COL24A1: variants seen among roughly 807,000 people sequenced by gnomAD.
COL24A1 encodes collagen type XXIV alpha 1 chain.
Under a neutral mutation model 253.9 loss-of-function variants are expected in COL24A1, and 224 were observed. The ratio of observed to expected loss-of-function variants is 0.88; its 90% CI spans 0.79 to 0.99. The LOEUF (loss-of-function observed/expected upper bound fraction) is 0.99, where lower values mean the gene tolerates loss of function less well. Ranked by LOEUF, COL24A1 falls within the 50% of genes least tolerant of loss-of-function variation. The pLI is 0.00. For synonymous variants in COL24A1, 685 were observed against 673.7 expected (o/e 1.02, Z -0.26); for missense variants, 2,131 against 2,068.5 (o/e 1.03, Z -0.59).
intron 57 of COL24A1, among the ~76,000 whole-genome samples, chr1:85,744,019 T>A (rs1463056915): frequency 6.6e-6 from 1 of 152,276 alleles, no homozygotes; most frequent in African/African-American, 2.4e-5. Context: ...ACTTTTCAAA[T>A]CATACATTTT....
At chr1:86,105,252 G>T (rs1188150243) in intron 5 of COL24A1, among the ~76,000 whole-genome samples, 1 of 152,168 alleles carries the variant, frequency 6.6e-6, no homozygotes, top group African/African-American at 2.4e-5. Flanking sequence ...CTATGGCAGG[G>T]TTCACATGCA....
chr1:86,071,329 G>A (rs1701859295), intron 7 of COL24A1, among the ~76,000 whole-genome samples: 1 of 151,714 alleles, frequency 6.6e-6, no homozygotes. Context: ...TGGAATGGAG[G>A]AAAGAAGGAA....
intron 20 of COL24A1, among the ~76,000 whole-genome samples, 177 bp downstream of exon 20, chr1:85,987,424 C>G (rs1553251604): frequency 6.6e-5 from 10 of 151,842 alleles, no homozygotes; most frequent in Non-Finnish European, 1.5e-4. Flanking sequence ...CAGTTCATAT[C>G]AAACTAGAAA....
At chr1:86,014,193 T>C (rs1353492513) in intron 19 of COL24A1, among the ~76,000 whole-genome samples, 3 of 152,248 alleles carry the variant, frequency 2.0e-5, no homozygotes, top group South Asian at 2.1e-4. Context: ...TTTATACTGA[T>C]TCGTTCTCAT....
intron 20 of COL24A1, among the ~76,000 whole-genome samples, chr1:85,981,387 G>T (rs1226554859): frequency 6.6e-6 from 1 of 152,042 alleles, no homozygotes; most frequent in Non-Finnish European, 1.5e-5. Context: ...AACATAAAGT[G>T]GGGAAAGAAA....
At chr1:86,006,940 G>C (rs1265549236) in intron 19 of COL24A1, among the ~76,000 whole-genome samples, 1 of 152,098 alleles carries the variant, frequency 6.6e-6, no homozygotes, top group Non-Finnish European at 1.5e-5. Context: ...GGCTGGTTCT[G>C]GTTGCTCATG....
intron 12 of COL24A1, among the ~76,000 whole-genome samples, chr1:86,040,107 G>A (rs1293467006): frequency 1.3e-5 from 2 of 152,052 alleles, no homozygotes; most frequent in African/African-American, 2.4e-5. Flanking sequence ...TGAATACCAC[G>A]TTGTGTCCTT....
chr1:86,127,726 AC>A (rs1648535016), intron 2 of COL24A1, among the ~76,000 whole-genome samples: 1 of 152,072 alleles, frequency 6.6e-6, no homozygotes, highest in South Asian at 2.1e-4. Flanking sequence ...GCATCACCTT[AC>A]TTTTTCCTTT....
At chr1:85,986,061 T>A (rs1044349427) in intron 20 of COL24A1, among the ~76,000 whole-genome samples, 5 of 151,880 alleles carry the variant, frequency 3.3e-5, no homozygotes, top group African/African-American at 1.2e-4. Context: ...TCAAGTGCTA[T>A]CTTCCCTGCA....
At chr1:85,972,993 A>G (rs1692326222) in intron 20 of COL24A1, among the ~76,000 whole-genome samples, 1 of 152,186 alleles carries the variant, frequency 6.6e-6, no homozygotes, top group Admixed American at 6.5e-5. Flanking sequence ...ATATTTATGT[A>G]AGCCTGTTTA....
At chr1:86,001,059 G>A (rs1003699296) in intron 19 of COL24A1, among the ~76,000 whole-genome samples, 1 of 152,084 alleles carries the variant, frequency 6.6e-6, no homozygotes, top group Non-Finnish European at 1.5e-5. Flanking sequence ...ATAAATCTAT[G>A]TATTAAGGCA....
At chr1:86,066,819 G>A (rs1477500459) in intron 7 of COL24A1, among the ~76,000 whole-genome samples, 1 of 151,550 alleles carries the variant, frequency 6.6e-6, no homozygotes, top group African/African-American at 2.4e-5. Flanking sequence ...AGCTGTCACT[G>A]AATAAAAAAC....
At chr1:86,077,403 G>A (rs895175950) in intron 7 of COL24A1, among the ~76,000 whole-genome samples, 36 of 152,282 alleles carry the variant, frequency 2.4e-4, no homozygotes, top group African/African-American at 6.7e-4. Context: ...GTATAAATTA[G>A]TTCAACTACT....
At chr1:85,779,901 T>G (rs1668979913) in intron 52 of COL24A1, among the ~76,000 whole-genome samples, 1 of 152,192 alleles carries the variant, frequency 6.6e-6, no homozygotes, top group African/African-American at 2.4e-5. Context: ...GAAAAATTGA[T>G]GTACATGCTG....
chr1:86,033,539 C>T (rs953451651), intron 13 of COL24A1, among the ~76,000 whole-genome samples: 5 of 152,142 alleles, frequency 3.3e-5, no homozygotes, highest in South Asian at 2.1e-4. Flanking sequence ...AAAGAGCAAT[C>T]GCTGAGTGTA....
chr1:85,923,510 A>G (rs1161825985), intron 24 of COL24A1, among the ~76,000 whole-genome samples: 1 of 152,248 alleles, frequency 6.6e-6, no homozygotes, highest in Admixed American at 6.5e-5. Context: ...CTCAGGATTA[A>G]GAAACTCACT....
rs573948755 is a variant in COL24A1 at position 86,156,509 on chromosome 1, C to G, written c.-113G>C. 2 of 981,382 alleles carry G rather than the reference C, an allele frequency of 2.0e-6. No individual in the cohort carries two copies. The highest frequency in any genetic ancestry group is 1.7e-5 in the African/African-American group (1 of 59,616). 60.8% of individuals were successfully genotyped at this position (981,382 alleles called of 1,614,324 possible). A position where few individuals can be genotyped will look rare whatever the true frequency, so the allele number is the denominator to read the frequency against. ...AAGGGAAAAAACAATCACATGAAAA[C>G]CATGCTTCAAACCCGCAACAAGAAA... On this transcript the variant is annotated 5_prime_UTR_variant, in exon 1 of 60. Transcript: ENST00000370571.
intron 2 of COL24A1, among the ~76,000 whole-genome samples, chr1:86,131,221 C>G (rs1649122133): frequency 6.6e-6 from 1 of 151,930 alleles, no homozygotes; most frequent in African/African-American, 2.4e-5. Context: ...AAGAATATGG[C>G]ACCATATTGA....
At position 85,875,326 on chromosome 1, in the gene COL24A1, G is replaced by A. The variant is rs993409014; in HGVS notation, c.3035C>T (p.Pro1012Leu). The A allele has an allele frequency of 1.2e-6, 2 of 1,613,186 alleles. No individual in the cohort carries two copies. The highest frequency in any genetic ancestry group is 2.2e-5 in the East Asian group (1 of 44,878). Reference sequence around the variant, plus strand: ...ACCAGACTCTCCCTCAGTGCCTGGAGGTCCCTACAAGAGAATAATTTAACA... The same window carrying A: ...ACCAGACTCTCCCTCAGTGCCTGGAAGTCCCTACAAGAGAATAATTTAACA... ...GPPGEMGMEG[P>L]PGTEGESGLQ... The change falls in exon 34 of 60, where the codon CCT (proline) becomes CTT (leucine). Residue 1012 changes from proline to leucine, a missense_variant. Coordinates refer to ENST00000370571, the MANE Select transcript of COL24A1 (RefSeq NM_152890.7).
Sources: gnomAD v4.1 joint callset for allele counts (sites outside exome capture counted in the v4.1 genomes callset) on GRCh38, gnomAD v4.1.1 for gene constraint, MANE v1.5 for transcripts, NCBI Gene and HGNC (gene_info 2026-07-23, HGNC 2026-07-21) for gene names.